DCTN1: variants seen among roughly 807,000 people sequenced by gnomAD.
DCTN1 encodes 150 kDa dynein-associated polypeptide.
In DCTN1, 61 loss-of-function variants were observed where a neutral mutation model predicts 161.2. That is an observed-to-expected ratio of 0.38 (90% CI 0.31 to 0.47). The LOEUF (loss-of-function observed/expected upper bound fraction) is 0.47, where lower values mean the gene tolerates loss of function less well. Ranked by LOEUF, DCTN1 falls within the 20% of genes least tolerant of loss-of-function variation. The pLI, the probability that DCTN1 is intolerant of heterozygous loss-of-function variation, is 0.99. For missense variants in DCTN1, 1,404 were observed against 1,623.7 expected (o/e 0.86, Z 2.33); for synonymous variants, 653 against 632.4 (o/e 1.03, Z -0.49).
upstream of DCTN1, among the ~76,000 whole-genome samples, chr2:74,381,404 G>A (rs1675504689): frequency 6.6e-6 from 1 of 152,204 alleles, no homozygotes; most frequent in African/African-American, 2.4e-5. Flanking sequence ...AGGCCAGGTA[G>A]CCCAACAGGA....
In DCTN1 at chr2:74,374,226, G is replaced by A. The variant is rs758841206; in HGVS notation, c.432+97C>T. 6.7e-6 allele frequency: 9 copies of A among 1,349,492 alleles called. No homozygotes were observed. The East Asian group carries it at 2.1e-4, about 31-fold the overall frequency. The allele number at this position is 1,349,492 out of a possible 1,614,324, so 83.6% of individuals were successfully genotyped here. ...CCTCACCCGCCTCCCCGACCAGGTA[G>A]ACAGATGAAGTCAATCAGCCCCCAC... On this transcript the variant is annotated intron_variant, in intron 6 of 31. Transcript: ENST00000628224.
In DCTN1 at chr2:74,367,179, G is replaced by A. The variant is rs375543367; in HGVS notation, c.2254-72C>T. ...TCTGCCTTATCAACATCTCTAAGAA[G>A]TCCCCATCCTCTGCTGACCCCCATA... On this transcript the variant is annotated intron_variant, in intron 19 of 31. Transcript: ENST00000628224. 5.0e-6 allele frequency: 8 copies of A among 1,588,102 alleles called. No homozygotes were observed. The East Asian group carries it at 1.1e-4, about 22-fold the overall frequency.
intron 1 of DCTN1, chr2:74,390,590 G>T (rs1675948965): frequency 4.3e-6 from 2 of 465,528 alleles, no homozygotes; most frequent in Non-Finnish European, 8.9e-6. Flanking sequence ...TACCTTATAG[G>T]CCTGGACAGA....
At chr2:74,375,450 T>C (rs1338286494) in intron 5 of DCTN1, among the ~76,000 whole-genome samples, 1 of 152,176 alleles carries the variant, frequency 6.6e-6, no homozygotes, top group Non-Finnish European at 1.5e-5. Context: ...ACTGTCTGAT[T>C]GACACTTTCC....
At chr2:74,389,963 T>C (rs1208137781) in intron 1 of DCTN1, among the ~76,000 whole-genome samples, 1 of 152,168 alleles carries the variant, frequency 6.6e-6, no homozygotes, top group Non-Finnish European at 1.5e-5. Flanking sequence ...GCTAAAATAC[T>C]GCTTTGTCCC....
At chr2:74,376,647 A>G in intron 5 of DCTN1, 95 bp downstream of exon 5, 1 of 1,237,602 alleles carries the variant, frequency 8.1e-7, no homozygotes, top group Non-Finnish European at 1.2e-6. Flanking sequence ...CCAAGGTCAC[A>G]CACACATGCA....
Position 74,378,041 on chromosome 2 carries a change from T to A in DCTN1, c.238A>T (p.Thr80Ser). The change falls in exon 2 of 32, where the codon ACT (threonine) becomes TCT (serine). Residue 80 changes from threonine (T) to serine (S), a missense_variant. This residue lies in a region of DCTN1 where 174 missense variants were observed against 175.6 expected (regional missense o/e 0.99). Coordinates refer to ENST00000628224, the MANE Select transcript of DCTN1 (RefSeq NM_004082.5). The part of the protein sequence containing the change: ...DGTVQGRKYF[T>S]CDEGHGIFVR... ...AAGATGCCATGCCCTTCATCACAAG[T>A]GAAGTACTTCCTGCCTTGAACAGTT... 1 of 1,614,270 alleles carries A rather than the reference T, an allele frequency of 6.2e-7. No individual in the cohort carries two copies. Among genetic ancestry groups the A allele is most frequent in the Non-Finnish European group, 8.5e-7 (1 of 1,180,046 alleles).
At chr2:74,374,584 C>A in intron 5 of DCTN1, 1 of 1,299,788 alleles carries the variant, frequency 7.7e-7, no homozygotes. Flanking sequence ...CCCCCGCAGA[C>A]GTGCAGCTGG....
intron 24 of DCTN1, 85 bp downstream of exon 24, chr2:74,365,808 C>A: frequency 6.2e-7 from 1 of 1,613,336 alleles, no homozygotes; most frequent in Non-Finnish European, 8.5e-7. Flanking sequence ...CCCAAGCCGT[C>A]TTGGTCCCGA....
chr2:74,368,453 C>A (rs1418193766), intron 16 of DCTN1: 1 of 618,442 alleles, frequency 1.6e-6, no homozygotes, highest in Non-Finnish European at 2.8e-6. Flanking sequence ...AGGTTAACCC[C>A]TAGGCACCTC....
Position 74,380,195 on chromosome 2 carries a change from T to C in DCTN1, c.-158A>G. On this transcript the variant is annotated 5_prime_UTR_variant, in exon 1 of 32. Coordinates refer to ENST00000628224, the MANE Select transcript of DCTN1 (RefSeq NM_004082.5). ...AGTCCATGGGCCTCACTCGGTGGCC[T>C]ACACGGGTAGGGGTGGGGGCAGTGA... 1.3e-6 allele frequency: 1 copy of C among 775,646 alleles called. No individual in the cohort carries two copies. The highest frequency in any genetic ancestry group is 2.7e-5 in the East Asian group (1 of 37,444). 48.0% of individuals were successfully genotyped at this position (775,646 alleles called of 1,614,324 possible). A position where few individuals can be genotyped will look rare whatever the true frequency, so the allele number is the denominator to read the frequency against.
Position 74,371,084 on chromosome 2 carries a change from T to C in DCTN1, c.738A>G (p.Lys246=), listed in dbSNP as rs1400007256. 3.1e-6 allele frequency: 5 copies of C among 1,614,084 alleles called. No individual in the cohort carries two copies. Among genetic ancestry groups the C allele is most frequent in the Non-Finnish European group, 4.2e-6 (5 of 1,180,044 alleles). ...GCTGGATTTTGTGTTTCTCCAGCTC[T>C]TTTAGCTTTGCTTTGTCTTCTGCCC... ...LKRAEDKAKL[K]ELEKHKIQLE... Residue 246 remains lysine, a synonymous_variant, in exon 9 of 32, where the codon AAA becomes AAG. Coordinates refer to ENST00000628224, the MANE Select transcript of DCTN1 (RefSeq NM_004082.5).
Position 74,380,029 on chromosome 2 carries a change from C to T in DCTN1, c.9G>A (p.Gln3=). ...CCCGGCTGTACACGTGCCTCTTGCTCTGTGCCATGTTGCTCACCCGGCCTC... is the reference window on the plus strand; with the variant it reads ...CCCGGCTGTACACGTGCCTCTTGCTTTGTGCCATGTTGCTCACCCGGCCTC... MA[Q]SKRHVYSRTP... Residue 3 remains glutamine, a synonymous_variant, in exon 1 of 32, where the codon CAG becomes CAA. Transcript: ENST00000628224. The T allele has an allele frequency of 6.2e-7, 1 of 1,614,172 alleles. No individual in the cohort carries two copies. The highest frequency in any genetic ancestry group is 8.5e-7 in the Non-Finnish European group (1 of 1,180,006).
chr2:74,371,262 G>A, intron 8 of DCTN1, 86 bp from the exon 9 acceptor site: 1 of 1,605,212 alleles, frequency 6.2e-7, no homozygotes. Flanking sequence ...ACAAGAAAGT[G>A]TGCAAACATC....
chr2:74,380,374 G>A (rs1010520604), upstream of DCTN1: 33 of 509,452 alleles, frequency 6.5e-5, no homozygotes, highest in Admixed American at 7.5e-4. Context: ...GTGCCCCCCT[G>A]CTTCACGTGG....
At position 74,371,654 on chromosome 2, in the gene DCTN1, A is replaced by C; in HGVS notation, c.528T>G (p.Gly176=). Residue 176 remains glycine, a synonymous_variant, in exon 8 of 32, where the codon GGT becomes GGG. Coordinates refer to ENST00000628224, the MANE Select transcript of DCTN1 (RefSeq NM_004082.5). ...TGCTGGGCTCACTGCTGCTCAGCTC[A>C]CCTGCTGACGCTGAGCCAGAGGGGC... ...SLGPSGSASA[G]ELSSSEPSTP... is the part of the protein sequence containing the mutation. 1 of 1,598,032 alleles carries C rather than the reference A, an allele frequency of 6.3e-7. No individual in the cohort carries two copies. Among genetic ancestry groups the C allele is most frequent in the South Asian group, 1.1e-5 (1 of 88,076 alleles).
At chr2:74,378,388 G>A in intron 1 of DCTN1, 143 bp from the exon 2 acceptor site, 2 of 1,021,768 alleles carry the variant, frequency 2.0e-6, no homozygotes, top group Non-Finnish European at 2.8e-6. Context: ...GAATTGGGTG[G>A]ACCCCCAAAT....
At chr2:74,389,953 G>C (rs938548922) in intron 1 of DCTN1, among the ~76,000 whole-genome samples, 7 of 152,040 alleles carry the variant, frequency 4.6e-5, no homozygotes, top group African/African-American at 1.7e-4. Flanking sequence ...ACATACATCT[G>C]CTAAAATACT....
Position 74,369,237 on chromosome 2 carries a change from AC to A in DCTN1, c.1585-24del. 6.2e-7 allele frequency: 1 copy of A among 1,614,168 alleles called. No individual in the cohort carries two copies. Among genetic ancestry groups the A allele is most frequent in the East Asian group, 2.2e-5 (1 of 44,880 alleles). ...ATCCTAGGAGGAGAGACAGTGAAGCACAGCTGGGTCATAAGGAAGCCCTGGG... is the reference window on the plus strand; with the variant it reads ...ATCCTAGGAGGAGAGACAGTGAAGCAAGCTGGGTCATAAGGAAGCCCTGGG... On this transcript the variant is annotated intron_variant, in intron 14 of 31. Transcript: ENST00000628224. This position sits in a 1 kb window ranked among gnomAD's most constrained non-coding sequence, Gnocchi z 4.9.
Sources: allele counts gnomAD v4.1 joint callset (sites outside exome capture counted in the v4.1 genomes callset), GRCh38; gene constraint gnomAD v4.1.1; regional missense constraint gnomAD v4.1.1; non-coding constraint Gnocchi (gnomAD v3.1); transcripts MANE v1.5; gene names NCBI Gene and HGNC (gene_info 2026-07-23, HGNC 2026-07-21).